COL2A1: variants seen among roughly 807,000 people sequenced by gnomAD.
The protein encoded by COL2A1 is collagen type II alpha 1 chain.
A neutral mutation model predicts 204.5 loss-of-function variants in COL2A1; 28 were observed. The ratio of observed to expected loss-of-function variants is 0.14; its 90% confidence interval spans 0.10 to 0.19. COL2A1 has a LOEUF of 0.19. Ranked by LOEUF, COL2A1 falls within the 10% of genes least tolerant of loss-of-function variation. The pLI is 1.00. For missense variants in COL2A1, 1,388 were observed against 2,027.5 expected (o/e 0.68, Z 6.06); for synonymous variants, 708 against 718.7 (o/e 0.99, Z 0.24).
In COL2A1 at chr12:47,977,101, C is replaced by T; in HGVS notation, c.3327+1G>A. On this transcript the variant is annotated splice_donor_variant, in intron 47 of 53. Transcript: ENST00000380518. LOFTEE classifies it high-confidence loss of function. Reference sequence around the variant, plus strand: ...TCAGTGCAGGACACTTGGATACTCACCTGGATTCCCCGGGCTCCAGCTGGT... The same window carrying T: ...TCAGTGCAGGACACTTGGATACTCATCTGGATTCCCCGGGCTCCAGCTGGT... The T allele has an allele frequency of 6.2e-7, 1 of 1,605,534 alleles. No homozygotes were observed. Among genetic ancestry groups the T allele is most frequent in the Non-Finnish European group, 8.5e-7 (1 of 1,176,860 alleles).
chr12:47,993,637 C>T, intron 14 of COL2A1, 135 bp from the exon 15 acceptor site: 1 of 1,082,110 alleles, frequency 9.2e-7, no homozygotes. Flanking sequence ...GGGACAATGC[C>T]CTGAGCTCTC....
At position 47,997,621 on chromosome 12, in the gene COL2A1, G is replaced by A; in HGVS notation, c.516C>T (p.Pro172=). The A allele has an allele frequency of 1.2e-6, 2 of 1,613,818 alleles. No individual in the cohort carries two copies. Among genetic ancestry groups the A allele is most frequent in the Non-Finnish European group, 8.5e-7 (1 of 1,179,914 alleles). ...GPPGPPGPPG[P]PGLGGNFAAQ... is the part of the protein sequence containing the mutation. ...GGATACTTACTCCACCAAGACCAGG[G>A]GGACCAGGGGGGCCGGGAGGACCAG... The change falls in exon 7 of 54, where the codon CCC becomes CCT. Residue 172 remains proline, a synonymous_variant. Coordinates refer to ENST00000380518, the MANE Select transcript of COL2A1 (RefSeq NM_001844.5).
At chr12:47,977,778 CAA>C (rs1938805968) in intron 44 of COL2A1, 125 bp from the exon 45 acceptor site, 4 of 1,158,320 alleles carry the variant, frequency 3.5e-6, no homozygotes, top group Non-Finnish European at 5.1e-6. Context: ...ACTTTGAAGC[CAA>C]AGTTTCCTCA....
chr12:47,984,873 C>G, intron 27 of COL2A1, 122 bp downstream of exon 27: 3 of 882,480 alleles, frequency 3.4e-6, no homozygotes, highest in Non-Finnish European at 5.6e-6. Flanking sequence ...ACCCATGGCA[C>G]AGGAGCCCCA....
intron 33 of COL2A1, 24 bp downstream of exon 33, chr12:47,982,824 C>T (rs999889238): frequency 1.3e-5 from 20 of 1,596,004 alleles, no homozygotes; most frequent in Non-Finnish European, 1.6e-5. Flanking sequence ...CACGAAGACC[C>T]CTACAGGATG....
rs539067378 is a variant in COL2A1 at position 47,998,346 on chromosome 12, G to A, written c.309+69C>T. 68 of 1,506,304 alleles carry A rather than the reference G, an allele frequency of 4.5e-5. 3 individuals carry two copies. In the South Asian group the frequency reaches 7.3e-4, roughly 16 times the overall value. 93.3% of individuals were successfully genotyped at this position (1,506,304 alleles called of 1,614,324 possible). ...AAAAATCACAGACTGGATTAACATA[G>A]CATTGCTTTTGAAGCAGAAAATATA... On this transcript the variant is annotated intron_variant, in intron 3 of 53. Transcript: ENST00000380518.
intron 10 of COL2A1, 110 bp downstream of exon 10, chr12:47,995,600 C>G: frequency 8.6e-7 from 1 of 1,157,870 alleles, no homozygotes; most frequent in Non-Finnish European, 1.3e-6. Context: ...TTGGGGCCAC[C>G]GACTGTGGGA....
At position 47,975,485 on chromosome 12, in the gene COL2A1, G is replaced by A. The variant is rs374082762; in HGVS notation, c.3718C>T (p.Arg1240Trp). The change falls in exon 51 of 54, where the codon CGG becomes TGG. Residue 1240 changes from arginine (R) to tryptophan (W), a missense_variant. Transcript: ENST00000380518. ...EKGPDPLQYM[R>W]ADQAAGGLRQ... is the part of the protein sequence containing the mutation. ...AGGCCACCGGCTGCCTGGTCGGCCC[G>A]CATGTACTGCAGGGGGTCGGGGCCC... The A allele has an allele frequency of 1.1e-4, 175 of 1,613,394 alleles. No homozygotes were observed. Among genetic ancestry groups the A allele is most frequent in the Non-Finnish European group, 1.3e-4 (158 of 1,180,034 alleles).
At chr12:47,998,456 G>A (rs1295631447) in intron 2 of COL2A1, 25 bp from the exon 3 acceptor site, 1 of 1,608,922 alleles carries the variant, frequency 6.2e-7, no homozygotes, top group Non-Finnish European at 8.5e-7. Context: ...ATATAGAGAA[G>A]AAGAAGGTAA....
At position 47,978,301 on chromosome 12, in the gene COL2A1, G is replaced by A. The variant is rs757449808; in HGVS notation, c.2993C>T (p.Pro998Leu). The change falls in exon 43 of 54, where the codon CCT becomes CTT. Residue 998 changes from proline (P) to leucine (L), a missense_variant. By Grantham distance (98) the Pro-to-Leu change is moderately conservative. Around this residue, in one of 3 missense-constraint regions of COL2A1, gnomAD observed 884 missense variants for 1,415.8 expected, o/e 0.62. Transcript: ENST00000380518. The surrounding 1 kb of genome is among the most constrained non-coding windows in gnomAD (Gnocchi z 5.5). ...ATACCCCACACTCACCGACGGGCCA[G>A]GCAAGCCAGGGAATCCTCTCTCACC... ...QRGERGFPGL[P>L]GPSGEPGKQG... 5 of 1,613,860 alleles carry A rather than the reference G, an allele frequency of 3.1e-6. No individual in the cohort carries two copies. The Admixed American group carries it at 6.7e-5, about 22-fold the overall frequency.
chr12:47,995,208 C>T (rs547255486), intron 11 of COL2A1, 47 bp downstream of exon 11: 62 of 1,532,428 alleles, frequency 4.0e-5, no homozygotes, highest in Non-Finnish European at 4.8e-5. Context: ...CTCTCCAGGC[C>T]CTTTCAAAGG....
At chr12:47,986,186 C>A in intron 23 of COL2A1, 150 bp downstream of exon 23, 1 of 746,718 alleles carries the variant, frequency 1.3e-6, no homozygotes, top group South Asian at 1.6e-5. Context: ...AAATCAGGAT[C>A]AGACTCCCTC....
chr12:47,993,907 A>G, intron 13 of COL2A1, 45 bp from the exon 14 acceptor site: 1 of 1,613,942 alleles, frequency 6.2e-7, no homozygotes, highest in South Asian at 1.1e-5. Flanking sequence ...TGGGAAACCC[A>G]AGTTGGAAGA....
Position 47,987,562 on chromosome 12 carries a change from AAAGCCACAGACCCCAGACCCCCCC to A in COL2A1, c.1221+25_1221+48del, listed in dbSNP as rs1280414894. 1 of 1,513,100 alleles carries A rather than the reference AAAGCCACAGACCCCAGACCCCCCC, an allele frequency of 6.6e-7. No individual in the cohort carries two copies. Among genetic ancestry groups the A allele is most frequent in the Non-Finnish European group, 9.1e-7 (1 of 1,101,016 alleles). The allele number at this position is 1,513,100 out of a possible 1,614,324, so 93.7% of individuals were successfully genotyped here. On this transcript the variant is annotated intron_variant, in intron 19 of 53. Transcript: ENST00000380518. This position sits in a 1 kb window ranked among gnomAD's most constrained non-coding sequence, Gnocchi z 4.1. ...AGCAAAGTACAGAGTCAAGAGTTCC[AAAGCCACAGACCCCAGACCCCCCC>A]AGGCCAAAGAGAAGCTGCACTTACG...
chr12:47,984,875 G>T, intron 27 of COL2A1, 120 bp downstream of exon 27: 2 of 889,688 alleles, frequency 2.2e-6, no homozygotes, highest in Non-Finnish European at 3.7e-6. Context: ...CCATGGCACA[G>T]GAGCCCCACT....
rs1422275378 is a variant in COL2A1 at position 47,983,083 on chromosome 12, G to A, written c.2094+10C>T. The A allele has an allele frequency of 2.5e-6, 4 of 1,613,824 alleles. No homozygotes were observed. Among genetic ancestry groups the A allele is most frequent in the Non-Finnish European group, 3.4e-6 (4 of 1,179,932 alleles). ...AGGAGGCAGCCCGCATTGGCCAACAGGATACTCACCCTGGGACCCACGAGG... is the reference window on the plus strand; with the variant it reads ...AGGAGGCAGCCCGCATTGGCCAACAAGATACTCACCCTGGGACCCACGAGG... On this transcript the variant is annotated intron_variant, in intron 32 of 53. Transcript: ENST00000380518.
Position 47,994,062 on chromosome 12 carries a change from G to A in COL2A1, c.817-15C>T. On this transcript the variant is annotated splice_polypyrimidine_tract_variant and intron_variant, in intron 12 of 53. Transcript: ENST00000380518. ...CCACGAGCACCCTGCAATCCAAAGT[G>A]GAGGTGTTCAGAGCACAGAGTAAAA... 1 of 1,613,946 alleles carries A rather than the reference G, an allele frequency of 6.2e-7. No individual in the cohort carries two copies.
chr12:47,988,052 C>CA (rs1185236480), intron 18 of COL2A1, among the ~76,000 whole-genome samples: 5 of 152,214 alleles, frequency 3.3e-5, no homozygotes, highest in African/African-American at 9.6e-5. Flanking sequence ...GGGACCCTGC[C>CA]ATCCTGGCAC....
In COL2A1 at chr12:47,985,709, CA is replaced by C; in HGVS notation, c.1680+18del. 1 of 1,613,330 alleles carries C rather than the reference CA, an allele frequency of 6.2e-7. No individual in the cohort carries two copies. The highest frequency in any genetic ancestry group is 8.5e-7 in the Non-Finnish European group (1 of 1,179,418). ...CCTGAGGGTCTGAAGCCAAGGGCAACAGCAGCTCTGCTACTTACCCGGGCTC... is the reference window on the plus strand; with the variant it reads ...CCTGAGGGTCTGAAGCCAAGGGCAACGCAGCTCTGCTACTTACCCGGGCTC... On this transcript the variant is annotated intron_variant, in intron 25 of 53. Coordinates refer to ENST00000380518, the MANE Select transcript of COL2A1 (RefSeq NM_001844.5).
Sources: allele counts gnomAD v4.1 joint callset (sites outside exome capture counted in the v4.1 genomes callset), GRCh38; gene constraint gnomAD v4.1.1; regional missense constraint gnomAD v4.1.1; non-coding constraint Gnocchi (gnomAD v3.1); transcripts MANE v1.5; gene names NCBI Gene and HGNC (gene_info 2026-07-23, HGNC 2026-07-21).